The following NPHP3 variants were observed in gnomAD, a reference collection of about 807,000 sequenced individuals.
NPHP3 encodes the protein nephrocystin-3.
A neutral mutation model predicts 171.9 loss-of-function variants in NPHP3; 123 were observed. That is an observed-to-expected ratio of 0.72 (90% CI 0.62 to 0.83). NPHP3 has a LOEUF of 0.83. Ranked by LOEUF, NPHP3 falls within the 40% of genes least tolerant of loss-of-function variation. The pLI, the probability that NPHP3 is intolerant of heterozygous loss-of-function variation, is 0.00. For missense variants in NPHP3, 1,506 were observed against 1,591.9 expected (o/e 0.95, Z 0.92); for synonymous variants, 558 against 579.2 (o/e 0.96, Z 0.52).
Position 132,722,027 on chromosome 3 carries a change from A to G in NPHP3, c.329T>C (p.Leu110Ser), listed in dbSNP as rs774199653. 19 of 1,613,172 alleles carry G rather than the reference A, an allele frequency of 1.2e-5. No homozygotes were observed. The highest frequency in any genetic ancestry group is 8.8e-5 in the South Asian group (8 of 91,086). The change falls in exon 1 of 27, where the codon TTG becomes TCG. Residue 110 changes from leucine to serine, a missense_variant. By Grantham distance (145) the Leu-to-Ser change is moderately radical. Around this residue, in one of 3 missense-constraint regions of NPHP3, gnomAD observed 930 missense variants for 924.9 expected, o/e 1.01. Transcript: ENST00000337331. ...IFRVSKNQEL[L>S]SMGRREAKLD... ...CTTGGCCTCGCGGCGGCCCATGGAC[A>G]ACAACTCCTGGTTCTTGCTGACGCG...
Position 132,708,289 on chromosome 3 carries a change from A to G in NPHP3, c.1119-32T>C. Reference sequence around the variant, plus strand: ...TGGAAATCAGCATTTTGTGTGCTATACTGCATTGTGGCAGCAAGCAGTTAG... The same window carrying G: ...TGGAAATCAGCATTTTGTGTGCTATGCTGCATTGTGGCAGCAAGCAGTTAG... On this transcript the variant is annotated intron_variant, in intron 6 of 26. Transcript: ENST00000337331. 1.9e-6 allele frequency: 3 copies of G among 1,607,000 alleles called. No homozygotes were observed. In the Admixed American group the frequency reaches 5.0e-5, roughly 27 times the overall value.
At chr3:132,685,934 C>A in intron 23 of NPHP3, 1 of 310,144 alleles carries the variant, frequency 3.2e-6, no homozygotes, top group South Asian at 2.9e-5. Context: ...GCCTGTAGTC[C>A]CAGTTACTCA....
rs1159005602 is a variant in NPHP3 at position 132,705,729 on chromosome 3, T to C, written c.1350+11A>G. ...ATTTTAGATGAAAACTTACAGAGAA[T>C]GCATATTTACCTGTTTAATAATCTT... On this transcript the variant is annotated intron_variant, in intron 8 of 26. Transcript: ENST00000337331. 8.2e-7 allele frequency: 1 copy of C among 1,214,140 alleles called. No homozygotes were observed. The highest frequency in any genetic ancestry group is 1.2e-6 in the Non-Finnish European group (1 of 820,700). 75.2% of individuals were successfully genotyped at this position (1,214,140 alleles called of 1,614,324 possible).
Position 132,705,947 on chromosome 3 carries a change from C to A in NPHP3, c.1276-133G>T. On this transcript the variant is annotated intron_variant, in intron 7 of 26. Transcript: ENST00000337331. ...ACACATATTAGCTAATTTATCTTCA[C>A]AACAACCTTAGGAGGGAGATACTAT... is the stretch of plus-strand genomic sequence containing the variant. 8 of 573,760 alleles carry A rather than the reference C, an allele frequency of 1.4e-5. No individual in the cohort carries two copies. In the South Asian group the frequency reaches 1.5e-4, roughly 11 times the overall value. The allele number at this position is 573,760 out of a possible 1,614,324, so 35.5% of individuals were successfully genotyped here. A position where few individuals can be genotyped will look rare whatever the true frequency, so the allele number is the denominator to read the frequency against.
At chr3:132,698,292 T>C (rs1043429960) in intron 13 of NPHP3, among the ~76,000 whole-genome samples, 5 of 152,186 alleles carry the variant, frequency 3.3e-5, no homozygotes, top group African/African-American at 1.2e-4. Flanking sequence ...TGTTTGTTTT[T>C]TGAGATGGGA....
chr3:132,707,136 G>C lies in NPHP3; in HGVS notation c.1275+965C>G, dbSNP rs73002527. Reference sequence around the variant, plus strand: ...TTGCCTCCGTGTACAGTAATAAAAAGCCTGTAATATGTATTCTAAAAATTA... The same window carrying C: ...TTGCCTCCGTGTACAGTAATAAAAACCCTGTAATATGTATTCTAAAAATTA... On this transcript the variant is annotated intron_variant, in intron 7 of 26. Transcript: ENST00000337331. Among the ~76,000 whole-genome samples, 664 of 152,194 alleles carry C rather than the reference G, an allele frequency of 4.4e-3. 5 individuals carry two copies. The highest frequency in any genetic ancestry group is 0.015 in the African/African-American group (620 of 41,556).
At chr3:132,687,975 C>T (rs1230838445) in intron 21 of NPHP3, among the ~76,000 whole-genome samples, 2 of 152,150 alleles carry the variant, frequency 1.3e-5, no homozygotes, top group Non-Finnish European at 2.9e-5. Context: ...TGGCTGTGTT[C>T]CCTTTAAACC....
rs201238858 is a variant in NPHP3 at position 132,708,302 on chromosome 3, A to G, written c.1119-45T>C. The G allele has an allele frequency of 9.1e-5, 144 of 1,589,280 alleles. 1 individual carries two copies. The East Asian group carries it at 3.1e-3, about 34-fold the overall frequency. The stretch of plus-strand genomic sequence containing the variant: ...TTTGTGTGCTATACTGCATTGTGGC[A>G]GCAAGCAGTTAGTTAATCAACCTAA... On this transcript the variant is annotated intron_variant, in intron 6 of 26. Transcript: ENST00000337331.
In NPHP3 at chr3:132,686,383, C is replaced by T. The variant is rs780534257; in HGVS notation, c.3206G>A (p.Gly1069Glu). ...KAIKKKGNLY[G>E]FALLRRRALQ... ...AGCCCGTCTACGTAAAAGGGCAAATCCGTACTGCAGCAAACATGAAAAATG... is the reference window on the plus strand; with the variant it reads ...AGCCCGTCTACGTAAAAGGGCAAATTCGTACTGCAGCAAACATGAAAAATG... The change falls in exon 23 of 27, where the codon GGA becomes GAA. Residue 1069 changes from glycine (G) to glutamate (E), a missense_variant. By Grantham distance (98) the Gly-to-Glu change is moderately conservative. Around this residue, in one of 3 missense-constraint regions of NPHP3, gnomAD observed 569 missense variants for 648.1 expected, o/e 0.88. Coordinates refer to ENST00000337331, the MANE Select transcript of NPHP3 (RefSeq NM_153240.5). The T allele has an allele frequency of 6.2e-7, 1 of 1,613,896 alleles. No homozygotes were observed. The highest frequency in any genetic ancestry group is 1.3e-5 in the African/African-American group (1 of 74,914).
chr3:132,696,999 T>C (rs978709083), intron 14 of NPHP3, among the ~76,000 whole-genome samples, 186 bp from the exon 15 acceptor site: 1 of 152,224 alleles, frequency 6.6e-6, no homozygotes, highest in Non-Finnish European at 1.5e-5. Context: ...AGACCACAGA[T>C]ATGGCCAGTA....
At chr3:132,718,387 T>A (rs1476609306) in intron 3 of NPHP3, among the ~76,000 whole-genome samples, 1 of 152,236 alleles carries the variant, frequency 6.6e-6, no homozygotes, top group African/African-American at 2.4e-5. Flanking sequence ...ACTTTTTGAA[T>A]AGTTCACAAG....
At chr3:132,701,839 G>C (rs1017481126) in intron 9 of NPHP3, among the ~76,000 whole-genome samples, 2 of 152,116 alleles carry the variant, frequency 1.3e-5, no homozygotes, top group African/African-American at 2.4e-5. Flanking sequence ...TGGCTAACAC[G>C]GTGAAATCCT....
At chr3:132,696,679 C>G in intron 15 of NPHP3, 52 bp downstream of exon 15, 1 of 1,513,904 alleles carries the variant, frequency 6.6e-7, no homozygotes. Flanking sequence ...GAGAAAGGGT[C>G]TGCAGCAAAC....
chr3:132,693,492 G>A (rs1268945913), intron 16 of NPHP3: 1 of 152,370 alleles, frequency 6.6e-6, no homozygotes, highest in Non-Finnish European at 1.5e-5. Flanking sequence ...CACAGACGTG[G>A]AGAGAATACG....
intron 6 of NPHP3, among the ~76,000 whole-genome samples, chr3:132,710,462 G>A (rs1939878583): frequency 1.3e-5 from 2 of 151,928 alleles, no homozygotes; most frequent in South Asian, 4.2e-4. Flanking sequence ...GACTGATGAT[G>A]CCCTGAGGAA....
intron 6 of NPHP3, chr3:132,712,575 G>A (rs928285502): frequency 2.7e-5 from 11 of 404,870 alleles, no homozygotes; most frequent in Non-Finnish European, 4.3e-5. Context: ...GACCATCCTG[G>A]CTAGCACAGT....
chr3:132,706,314 G>T (rs925487742), intron 7 of NPHP3, among the ~76,000 whole-genome samples: 1 of 149,598 alleles, frequency 6.7e-6, no homozygotes, highest in African/African-American at 2.5e-5. Context: ...AGCTGAGATC[G>T]CTCTACTGCA....
Position 132,716,756 on chromosome 3 carries a change from C to A in NPHP3, c.823+1G>T, listed in dbSNP as rs200266796. On this transcript the variant is annotated splice_donor_variant, in intron 4 of 26. Transcript: ENST00000337331. LOFTEE classifies it high-confidence loss of function. ...AGTAATTGACAAACAGCATGTATTA[C>A]CTCTATTAACATTTGCAAAGGGTCC... 4 of 1,613,954 alleles carry A rather than the reference C, an allele frequency of 2.5e-6. No individual in the cohort carries two copies. Among genetic ancestry groups the A allele is most frequent in the Non-Finnish European group, 3.4e-6 (4 of 1,179,950 alleles).
Position 132,681,830 on chromosome 3 carries a change from TAA to T in NPHP3, c.*78_*79del. On this transcript the variant is annotated 3_prime_UTR_variant, in exon 27 of 27. Transcript: ENST00000337331. ...AGTAAAATTTCGTACAACATTTTTTTAAAGTTTCAAATTCAAATGTTCCAAAT... is the reference window on the plus strand; with the variant it reads ...AGTAAAATTTCGTACAACATTTTTTTAGTTTCAAATTCAAATGTTCCAAAT... 1 of 1,337,266 alleles carries T rather than the reference TAA, an allele frequency of 7.5e-7. No homozygotes were observed. Among genetic ancestry groups the T allele is most frequent in the Middle Eastern group, 1.8e-4 (1 of 5,516 alleles). The allele number at this position is 1,337,266 out of a possible 1,614,324, so 82.8% of individuals were successfully genotyped here. A position where few individuals can be genotyped will look rare whatever the true frequency, so the allele number is the denominator to read the frequency against.
Sources: allele counts gnomAD v4.1 joint callset (sites outside exome capture counted in the v4.1 genomes callset), GRCh38; gene constraint gnomAD v4.1.1; regional missense constraint gnomAD v4.1.1; transcripts MANE v1.5; gene names NCBI Gene and HGNC (gene_info 2026-07-23, HGNC 2026-07-21).